ABCB1: variants seen among roughly 807,000 people sequenced by gnomAD.
The protein encoded by ABCB1 is ATP-dependent translocase ABCB1.
In ABCB1, 69 loss-of-function variants were observed where a neutral mutation model predicts 142.0. The ratio of observed to expected loss-of-function variants is 0.49; its 90% CI spans 0.40 to 0.59. The LOEUF is 0.59. Among genes scored for constraint, ABCB1 ranks in the 20% least tolerant of loss-of-function variants. The probability of loss-of-function intolerance (pLI) is 0.00; values close to 1 mark genes in which losing one functional copy is unlikely to be tolerated. For missense variants in ABCB1, 1,326 were observed against 1,554.7 expected, an observed-to-expected ratio of 0.85 and a Z score of 2.47; for synonymous variants, 532 against 539.2, an observed-to-expected ratio of 0.99 and a Z score of 0.18.
At chr7:87,543,018 G>A (rs1051645301) in intron 17 of ABCB1, among the ~76,000 whole-genome samples, 4 of 152,164 alleles carry the variant, frequency 2.6e-5, no homozygotes, top group Non-Finnish European at 5.9e-5. Flanking sequence ...GCACAGAGCA[G>A]ACACAAAAAA....
At chr7:87,560,124 T>A (rs1817498326) in intron 8 of ABCB1, among the ~76,000 whole-genome samples, 1 of 152,164 alleles carries the variant, frequency 6.6e-6, no homozygotes. Flanking sequence ...CCCATTAGAA[T>A]TTAAGCTCCA....
chr7:87,572,381 T>C (rs1305117585), intron 4 of ABCB1, among the ~76,000 whole-genome samples: 1 of 152,186 alleles, frequency 6.6e-6, no homozygotes, highest in Non-Finnish European at 1.5e-5. Context: ...CATTTCTAAA[T>C]AGCTCAAAAA....
intron 1 of ABCB1, chr7:87,628,656 C>T: frequency 2.6e-6 from 1 of 389,648 alleles, no homozygotes; most frequent in Non-Finnish European, 4.4e-6. Context: ...AGCCGTCAGT[C>T]CCCGGGTGCG....
intron 4 of ABCB1, among the ~76,000 whole-genome samples, chr7:87,572,827 T>C (rs1192008648): frequency 7.2e-6 from 1 of 139,328 alleles, no homozygotes; most frequent in African/African-American, 2.7e-5. Flanking sequence ...TTTTCACTTA[T>C]AAGTAGGATC....
intron 1 of ABCB1, among the ~76,000 whole-genome samples, chr7:87,671,318 A>G (rs1196475867): frequency 1.3e-5 from 2 of 152,176 alleles, no homozygotes; most frequent in Admixed American, 6.5e-5. Context: ...GCAGTCTCAG[A>G]GAGGCTTTTA....
intron 21 of ABCB1, chr7:87,522,314 C>A: frequency 1.3e-6 from 1 of 760,340 alleles, no homozygotes; most frequent in Non-Finnish European, 2.4e-6. Context: ...AAGCTCTGGC[C>A]CCTATGCTGG....
At chr7:87,613,534 T>C (rs947812786) in intron 1 of ABCB1, among the ~76,000 whole-genome samples, 1 of 151,998 alleles carries the variant, frequency 6.6e-6, no homozygotes, top group African/African-American at 2.4e-5. Context: ...TACAGAGCCA[T>C]AAAAAAAGAA....
chr7:87,703,885 C>CTTTTTTTTTTTTTTTTTTTTTTTTTTTG (rs1829326718), intron 1 of ABCB1, among the ~76,000 whole-genome samples: 2 of 60,296 alleles, frequency 3.3e-5, no homozygotes, highest in African/African-American at 6.3e-5. Context: ...TCAGTTTTTT[C>CTTTTTTTTTTTTTTTTTTTTTTTTTTTG]TTTTTTTTTT....
chr7:87,675,166 C>T (rs1826201419), intron 1 of ABCB1, among the ~76,000 whole-genome samples: 2 of 152,208 alleles, frequency 1.3e-5, no homozygotes, highest in South Asian at 4.1e-4. Flanking sequence ...CTGTGCTTAG[C>T]CTCCCCATGC....
At chr7:87,679,565 T>G (rs1038887529) in intron 1 of ABCB1, among the ~76,000 whole-genome samples, 1 of 150,028 alleles carries the variant, frequency 6.7e-6, no homozygotes, top group Non-Finnish European at 1.5e-5. Context: ...AATTTTTTGA[T>G]TTTTTATAGA....
chr7:87,549,186 G>A (rs1262402052), intron 14 of ABCB1, among the ~76,000 whole-genome samples, 162 bp downstream of exon 14: 1 of 152,068 alleles, frequency 6.6e-6, no homozygotes, highest in East Asian at 1.9e-4. Context: ...CAAACAAATA[G>A]AAAAAGATTT....
Position 87,709,196 on chromosome 7 carries a change from A to G in ABCB1, c.-331+3965T>C, listed in dbSNP as rs1583950681. On this transcript the variant is annotated intron_variant, in intron 1 of 28. Coordinates refer to the ABCB1 transcript ENST00000265724. ...GTTTTGTATGGATTGAAATTAATAA[A>G]TCAGGAAGCAAGATTTTCCCTACAT... 8 of 968,600 alleles carry G rather than the reference A, an allele frequency of 8.3e-6. No homozygotes were observed. The South Asian group carries it at 1.4e-4, about 17-fold the overall frequency. 60.0% of individuals were successfully genotyped at this position (968,600 alleles called of 1,614,324 possible). A position where few individuals can be genotyped will look rare whatever the true frequency, so the allele number is the denominator to read the frequency against.
At chr7:87,629,920 CA>C (rs202130650) in intron 1 of ABCB1, among the ~76,000 whole-genome samples, 15,035 of 112,456 alleles carry the variant, frequency 0.13, 927 homozygotes, top group African/African-American at 0.23. Flanking sequence ...GAGACTTCGT[CA>C]AAAAAAAAAA....
At chr7:87,691,793 T>C (rs1005290014) in intron 1 of ABCB1, among the ~76,000 whole-genome samples, 2 of 152,168 alleles carry the variant, frequency 1.3e-5, no homozygotes, top group Non-Finnish European at 2.9e-5. Flanking sequence ...TGACTAATTA[T>C]CCTCCATCAG....
intron 1 of ABCB1, among the ~76,000 whole-genome samples, chr7:87,664,785 G>A (rs1825063898): frequency 6.6e-6 from 1 of 152,034 alleles, no homozygotes; most frequent in Admixed American, 6.6e-5. Context: ...AAGGAGAGGA[G>A]GAAGAGATTA....
chr7:87,584,957 C>CA (rs1554438455), intron 4 of ABCB1, among the ~76,000 whole-genome samples: 7 of 150,486 alleles, frequency 4.7e-5, no homozygotes, highest in African/African-American at 1.5e-4. Context: ...AAATACCCCC[C>CA]CACACACACA....
intron 1 of ABCB1, among the ~76,000 whole-genome samples, chr7:87,627,180 A>G (rs574470217): frequency 2.5e-4 from 38 of 152,272 alleles, no homozygotes; most frequent in African/African-American, 8.7e-4. Context: ...AACTTTAAAA[A>G]CCTCAGAAAT....
intron 1 of ABCB1, chr7:87,709,328 T>C (rs1829867957): frequency 6.1e-6 from 6 of 985,300 alleles, no homozygotes; most frequent in Non-Finnish European, 7.2e-6. Context: ...ACACCGCTAC[T>C]AGTTTCTGTG....
chr7:87,567,956 G>C (rs1189298502), intron 5 of ABCB1, among the ~76,000 whole-genome samples: 1 of 151,910 alleles, frequency 6.6e-6, no homozygotes, highest in South Asian at 2.1e-4. Context: ...TTAGCCAAGC[G>C]TGGTGGCGTG....
Sources: gnomAD v4.1 joint callset for allele counts (sites outside exome capture counted in the v4.1 genomes callset) on GRCh38, gnomAD v4.1.1 for gene constraint, MANE v1.5 for transcripts, NCBI Gene and HGNC (gene_info 2026-07-23, HGNC 2026-07-21) for gene names.